ROR1: variants seen among roughly 807,000 people sequenced by gnomAD.
The protein encoded by ROR1 is inactive tyrosine-protein kinase transmembrane receptor ROR1.
In ROR1, 19 loss-of-function variants were observed where a neutral mutation model predicts 78.8. The observed-to-expected ratio is 0.24, with a 90% CI of 0.17 to 0.35. ROR1 has a LOEUF of 0.35. Among genes scored for constraint, ROR1 ranks in the 10% least tolerant of loss-of-function variants. The pLI is 1.00. For synonymous variants in ROR1, 386 were observed against 433.6 expected, an observed-to-expected ratio of 0.89 and a Z score of 1.36; for missense variants, 917 against 1,177.8, an observed-to-expected ratio of 0.78 and a Z score of 3.24.
chr1:64,157,465 T>C (rs977896366), intron 7 of ROR1, among the ~76,000 whole-genome samples: 2 of 152,152 alleles, frequency 1.3e-5, no homozygotes, highest in Non-Finnish European at 2.9e-5. Context: ...TTTATTCTAC[T>C]CTGTAACCAG....
chr1:64,049,840 C>T lies in ROR1; in HGVS notation c.313C>T (p.Leu105Phe). 1 of 1,614,220 alleles carries T rather than the reference C, an allele frequency of 6.2e-7. No individual in the cohort carries two copies. Among genetic ancestry groups the T allele is most frequent in the Non-Finnish European group, 8.5e-7 (1 of 1,180,036 alleles). ...TCCTGTGGTCCAGGAGCCCCGGAGG[C>T]TCTCCTTTCGGTCCACCATCTATGG... ...DAPVVQEPRRLSFRSTIYGSR... is the reference protein window; with the variant it reads ...DAPVVQEPRRFSFRSTIYGSR... The change falls in exon 3 of 9, where the codon CTC (leucine) becomes TTC (phenylalanine). Residue 105 changes from leucine to phenylalanine, a missense_variant. This residue lies in a region of ROR1 where 835 missense variants were observed against 1,069.8 expected (regional missense o/e 0.78). Transcript: ENST00000371079.
At chr1:63,912,305 A>C (rs1280511038) in intron 1 of ROR1, among the ~76,000 whole-genome samples, 1 of 151,858 alleles carries the variant, frequency 6.6e-6, no homozygotes, top group Non-Finnish European at 1.5e-5. Flanking sequence ...CTCAAAAAAA[A>C]AAAAAAACAA....
chr1:64,016,069 C>A (rs987365642), intron 2 of ROR1, among the ~76,000 whole-genome samples: 2 of 152,188 alleles, frequency 1.3e-5, no homozygotes, highest in African/African-American at 4.8e-5. Context: ...TTTGAGGAAA[C>A]AGCACTTTAA....
intron 2 of ROR1, among the ~76,000 whole-genome samples, chr1:64,020,823 T>C (rs1467618235): frequency 6.6e-6 from 1 of 152,186 alleles, no homozygotes; most frequent in African/African-American, 2.4e-5. Flanking sequence ...GACATTATTA[T>C]GAGGCAGTGG....
At chr1:64,118,498 A>C (rs1648399001) in intron 4 of ROR1, among the ~76,000 whole-genome samples, 1 of 151,818 alleles carries the variant, frequency 6.6e-6, no homozygotes, top group South Asian at 2.1e-4. Flanking sequence ...ATGGTGGTGC[A>C]TGCCTGTAAT....
chr1:64,014,341 G>A (rs998290347), intron 2 of ROR1, among the ~76,000 whole-genome samples: 4 of 151,996 alleles, frequency 2.6e-5, no homozygotes, highest in Non-Finnish European at 5.9e-5. Context: ...TTTCCAACAG[G>A]AAATGAAATT....
At chr1:63,868,663 A>G (rs1645232130) in intron 1 of ROR1, among the ~76,000 whole-genome samples, 1 of 152,144 alleles carries the variant, frequency 6.6e-6, no homozygotes, top group Admixed American at 6.5e-5. Context: ...TTATTTTATT[A>G]TCTCTGGCGA....
At chr1:64,131,246 TG>T (rs1344280639) in intron 4 of ROR1, among the ~76,000 whole-genome samples, 1 of 152,128 alleles carries the variant, frequency 6.6e-6, no homozygotes, top group Non-Finnish European at 1.5e-5. Flanking sequence ...TGAAAGGGGC[TG>T]GGGGGATAAA....
chr1:64,018,351 G>A (rs1326773559), intron 2 of ROR1, among the ~76,000 whole-genome samples: 2 of 152,076 alleles, frequency 1.3e-5, no homozygotes, highest in African/African-American at 4.8e-5. Context: ...CCTATTTCAA[G>A]CATCTGTGCA....
At chr1:64,006,111 A>C (rs529379764) in intron 1 of ROR1, among the ~76,000 whole-genome samples, 1 of 152,326 alleles carries the variant, frequency 6.6e-6, no homozygotes, top group East Asian at 1.9e-4. Context: ...AGCTTGGAAA[A>C]ACCAAGTGAC....
At chr1:64,087,144 A>G (rs1435069401) in intron 4 of ROR1, among the ~76,000 whole-genome samples, 4 of 152,200 alleles carry the variant, frequency 2.6e-5, no homozygotes, top group East Asian at 1.9e-4. Context: ...AGTCACTCCA[A>G]TCACTCAGAC....
intron 2 of ROR1, among the ~76,000 whole-genome samples, chr1:64,028,447 C>CT: frequency 6.6e-6 from 1 of 152,310 alleles, no homozygotes; most frequent in African/African-American, 2.4e-5. Context: ...AAGGACACAT[C>CT]TGGCCATGAC....
rs987622684 is a variant in ROR1, at chr1:64,178,689, C to T, written c.2648C>T (p.Pro883Leu). ...SSGSNQEANI[P>L]LLPHMSIPNH... ...GGATCCAATCAGGAAGCAAATATTCCTTTACTACCACACATGTCAATTCCA... is the reference window on the plus strand; with the variant it reads ...GGATCCAATCAGGAAGCAAATATTCTTTTACTACCACACATGTCAATTCCA... Residue 883 changes from proline to leucine, a missense_variant, in exon 9 of 9, where the codon CCT becomes CTT. Transcript: ENST00000371079. The surrounding 1 kb of genome is among the most constrained non-coding windows in gnomAD (Gnocchi z 4.3). 6.2e-7 allele frequency: 1 copy of T among 1,614,120 alleles called. No homozygotes were observed. Among genetic ancestry groups the T allele is most frequent in the African/African-American group, 1.3e-5 (1 of 75,006 alleles).
rs1484645626 is a variant in ROR1 at position 64,180,388 on chromosome 1, G to A, written c.*1533G>A. 2 of 152,138 alleles carry A rather than the reference G, an allele frequency of 1.3e-5. No homozygotes were observed. Among genetic ancestry groups the A allele is most frequent in the African/African-American group, 4.8e-5 (2 of 41,432 alleles). The allele number at this position is 152,138 out of a possible 1,614,324, so 9.4% of individuals were successfully genotyped here. The stretch of plus-strand genomic sequence containing the variant: ...GTAATTCCTGGAAATGATATTTGAT[G>A]AGGAGAATGTAAGAGAATGAAAAAC... On this transcript the variant is annotated 3_prime_UTR_variant, in exon 9 of 9. Coordinates refer to ENST00000371079, the MANE Select transcript of ROR1 (RefSeq NM_005012.4).
chr1:64,069,554 G>A (rs906354142), intron 4 of ROR1, among the ~76,000 whole-genome samples: 1 of 152,146 alleles, frequency 6.6e-6, no homozygotes, highest in African/African-American at 2.4e-5. Context: ...GTGTTCATGT[G>A]TGTGATTGGG....
intron 1 of ROR1, among the ~76,000 whole-genome samples, chr1:63,967,192 T>C (rs1490622836): frequency 6.6e-6 from 1 of 152,194 alleles, no homozygotes; most frequent in African/African-American, 2.4e-5. Flanking sequence ...TATTATTCCA[T>C]CATTTTATGC....
intron 1 of ROR1, among the ~76,000 whole-genome samples, chr1:63,941,597 CATAAT>C (rs1186065335): frequency 2.6e-5 from 4 of 152,186 alleles, no homozygotes; most frequent in African/African-American, 9.6e-5. Flanking sequence ...GTGGGGATAA[CATAAT>C]ATCAGTTCTT....
chr1:63,805,368 A>G (rs1043226207), intron 1 of ROR1, among the ~76,000 whole-genome samples: 1 of 152,316 alleles, frequency 6.6e-6, no homozygotes, highest in East Asian at 1.9e-4. Flanking sequence ...TTGTTTTCTC[A>G]TCCTTTTAAA....
chr1:63,987,378 C>G (rs1027185462), intron 1 of ROR1, among the ~76,000 whole-genome samples: 4 of 152,176 alleles, frequency 2.6e-5, no homozygotes, highest in African/African-American at 9.7e-5. Context: ...CGTGCTTATT[C>G]CACTCTGTCA....
Sources: allele counts gnomAD v4.1 joint callset (sites outside exome capture counted in the v4.1 genomes callset), GRCh38; gene constraint gnomAD v4.1.1; regional missense constraint gnomAD v4.1.1; non-coding constraint Gnocchi (gnomAD v3.1); transcripts MANE v1.5; gene names NCBI Gene and HGNC (gene_info 2026-07-23, HGNC 2026-07-21).